The following TMEM114 variants were observed in gnomAD, a reference collection of about 807,000 sequenced individuals.
TMEM114 encodes the protein transmembrane protein 114.
A neutral mutation model predicts 6.2 loss-of-function variants in TMEM114; 6 were observed. The ratio of observed to expected loss-of-function variants is 0.97; its 90% CI spans 0.53 to 1.91. The LOEUF (loss-of-function observed/expected upper bound fraction) is 1.91. Among genes scored for constraint, TMEM114 ranks in the 40% most tolerant of loss-of-function variants. The pLI, the probability that TMEM114 is intolerant of heterozygous loss-of-function variation, is 0.01. For synonymous variants in TMEM114, 104 were observed against 73.0 expected (o/e 1.42, Z -2.16); for missense variants, 218 against 158.3 (o/e 1.38, Z -2.02).
chr16:8,561,898 A>G (rs12934191), intron 2 of TMEM114, among the ~76,000 whole-genome samples: 9 of 114,240 alleles, frequency 7.9e-5, no homozygotes, highest in Admixed American at 3.4e-4. Flanking sequence ...GTGAATGAGT[A>G]AATGAGTGAA....
At chr16:8,565,324 G>A (rs542986455), downstream of TMEM114, among the ~76,000 whole-genome samples, 1 of 152,188 alleles carries the variant, frequency 6.6e-6, no homozygotes, top group East Asian at 1.9e-4. Flanking sequence ...CAATGAGTGA[G>A]TAAATGAATG....
At chr16:8,532,517 C>T in the TMEM114 span, among the ~76,000 whole-genome samples, 1 of 152,138 alleles carries the variant, frequency 6.6e-6, no homozygotes, top group Non-Finnish European at 1.5e-5. Context: ...GGTGAAAGGC[C>T]AAACACCTTA....
At chr16:8,580,672 T>C (rs745697075) in intron 2 of TMEM114, among the ~76,000 whole-genome samples, 2 of 152,112 alleles carry the variant, frequency 1.3e-5, no homozygotes, top group Non-Finnish European at 2.9e-5. Context: ...AATTCTACAA[T>C]GCACACTTGA....
rs1420533831 is a variant in TMEM114 at position 8,569,871 on chromosome 16, C to G, written c.574G>C (p.Gly192Arg). 4 of 1,551,142 alleles carry G rather than the reference C, an allele frequency of 2.6e-6. No individual in the cohort carries two copies. Among genetic ancestry groups the G allele is most frequent in the Non-Finnish European group, 3.5e-6 (4 of 1,146,946 alleles). Residue 192 changes from glycine (G) to arginine (R), a missense_variant, in exon 4 of 4, where the codon GGC becomes CGC. Physicochemically the swap from Gly to Arg is moderately radical, Grantham distance 125. Transcript: ENST00000620492. ...AGCTCGGCGATGAAGCTGATCCAGCCCAGGGCCAGGGACCAGCCGAAGCTG... is the reference window on the plus strand; with the variant it reads ...AGCTCGGCGATGAAGCTGATCCAGCGCAGGGCCAGGGACCAGCCGAAGCTG... The part of the protein sequence containing the change: ...DISFGWSLAL[G>R]WISFIAELLT...
chr16:8,566,747 C>T (rs932680293), downstream of TMEM114, among the ~76,000 whole-genome samples: 18 of 152,152 alleles, frequency 1.2e-4, 1 homozygote, highest in African/African-American at 2.4e-4. Flanking sequence ...AGGGCCTTTG[C>T]GTCTGCTGTC....
chr16:8,561,845 T>G (rs1278312537), intron 2 of TMEM114, among the ~76,000 whole-genome samples: 2 of 148,374 alleles, frequency 1.3e-5, no homozygotes, highest in African/African-American at 2.5e-5. Flanking sequence ...AATGAGTGAG[T>G]GAATGAATGA....
intron 3 of TMEM114, among the ~76,000 whole-genome samples, chr16:8,571,690 T>G (rs1901738321): frequency 6.6e-6 from 1 of 150,802 alleles, no homozygotes. Flanking sequence ...CTGTGCCTGG[T>G]CATGCCCGTT....
chr16:8,571,792 C>T (rs1901743320), intron 3 of TMEM114, among the ~76,000 whole-genome samples: 1 of 152,134 alleles, frequency 6.6e-6, no homozygotes, highest in Non-Finnish European at 1.5e-5. Context: ...CAGCTCACAG[C>T]CCTAAAGCTT....
chr16:8,538,313 A>T (rs1178210785), intron 2 of TMEM114, among the ~76,000 whole-genome samples: 18 of 151,814 alleles, frequency 1.2e-4, no homozygotes, highest in Admixed American at 1.2e-3. Flanking sequence ...AAAGACAGAC[A>T]TATTTGCTCT....
chr16:8,567,970 A>T (rs1318085730), downstream of TMEM114, among the ~76,000 whole-genome samples: 2 of 152,172 alleles, frequency 1.3e-5, no homozygotes. Flanking sequence ...TTTCCGGATT[A>T]GACAGGGACG....
chr16:8,562,520 G>C (rs571652734), intron 2 of TMEM114, among the ~76,000 whole-genome samples: 6 of 149,380 alleles, frequency 4.0e-5, no homozygotes, highest in African/African-American at 1.5e-4. Context: ...GACTGAATGA[G>C]TGAGTTAATG....
At chr16:8,555,196 C>T (rs1209247348) in intron 2 of TMEM114, among the ~76,000 whole-genome samples, 1 of 152,210 alleles carries the variant, frequency 6.6e-6, no homozygotes, top group African/African-American at 2.4e-5. Flanking sequence ...CCTCATACAT[C>T]CCAAAGGTAT....
At chr16:8,585,134 C>T (rs1308036751) in intron 2 of TMEM114, among the ~76,000 whole-genome samples, 3 of 152,030 alleles carry the variant, frequency 2.0e-5, no homozygotes, top group Admixed American at 6.6e-5. Context: ...AGGGGAACCC[C>T]CTTTATAAAA....
At chr16:8,587,406 G>A (rs1902350254) in intron 2 of TMEM114, among the ~76,000 whole-genome samples, 1 of 152,228 alleles carries the variant, frequency 6.6e-6, no homozygotes, top group African/African-American at 2.4e-5. Flanking sequence ...TCAATCTAAT[G>A]AGGGAGTCAG....
At chr16:8,562,716 G>T (rs539048649) in intron 2 of TMEM114, among the ~76,000 whole-genome samples, 7 of 151,686 alleles carry the variant, frequency 4.6e-5, no homozygotes, top group African/African-American at 1.7e-4. Context: ...AAATGAGTGA[G>T]TGAGGGAGGG....
chr16:8,533,005 C>G (rs139331872), downstream of TMEM114, among the ~76,000 whole-genome samples: 2 of 152,204 alleles, frequency 1.3e-5, no homozygotes, highest in Non-Finnish European at 2.9e-5. Flanking sequence ...TGATGAGCTA[C>G]ATTCTAAGCA....
chr16:8,572,803 C>G (rs976617718), intron 2 of TMEM114, among the ~76,000 whole-genome samples: 1 of 152,178 alleles, frequency 6.6e-6, no homozygotes, highest in Non-Finnish European at 1.5e-5. Context: ...TTATTCATTA[C>G]AAGAGCCAGG....
chr16:8,540,710 A>G (rs1308499607), intron 2 of TMEM114, among the ~76,000 whole-genome samples: 2 of 152,236 alleles, frequency 1.3e-5, no homozygotes, highest in Non-Finnish European at 2.9e-5. Flanking sequence ...AAAGACAGAC[A>G]TAGTTCCTAT....
At chr16:8,567,035 G>A (rs886106914), downstream of TMEM114, among the ~76,000 whole-genome samples, 7 of 151,066 alleles carry the variant, frequency 4.6e-5, no homozygotes, top group Non-Finnish European at 8.8e-5. Flanking sequence ...CAAGTAGCTG[G>A]GATTACAGGC....
Sources: allele counts gnomAD v4.1 joint callset (sites outside exome capture counted in the v4.1 genomes callset), GRCh38; gene constraint gnomAD v4.1.1; transcripts MANE v1.5; gene names NCBI Gene and HGNC (gene_info 2026-07-23, HGNC 2026-07-21).